MAST4: variants seen among roughly 807,000 people sequenced by gnomAD.
MAST4 encodes the protein microtubule associated serine/threonine kinase family member 4.
A neutral mutation model predicts 162.7 loss-of-function variants in MAST4; 89 were observed. That is an observed-to-expected ratio of 0.55 (90% CI 0.46 to 0.65). The LOEUF is 0.65. MAST4 is among the 30% of genes least tolerant of loss of function. MAST4 has a pLI of 0.00. For missense variants in MAST4, 3,153 were observed against 3,374.0 expected (o/e 0.93, Z 1.62); for synonymous variants, 1,479 against 1,361.1 (o/e 1.09, Z -1.91).
At chr5:67,091,366 A>G (rs1274065591) in intron 6 of MAST4, among the ~76,000 whole-genome samples, 1 of 152,194 alleles carries the variant, frequency 6.6e-6, no homozygotes, top group Admixed American at 6.5e-5. Context: ...GTATCTCACC[A>G]TGGGGACAAT....
intron 6 of MAST4, among the ~76,000 whole-genome samples, chr5:67,092,412 C>T (rs929119096): frequency 6.6e-5 from 10 of 152,048 alleles, no homozygotes; most frequent in African/African-American, 1.7e-4. Context: ...GTGAAATTAT[C>T]GAATTAATTT....
chr5:66,948,824 G>A (rs1744334158), intron 4 of MAST4, among the ~76,000 whole-genome samples: 1 of 151,998 alleles, frequency 6.6e-6, no homozygotes, highest in African/African-American at 2.4e-5. Flanking sequence ...TCTTTGCTTT[G>A]TCAAGTATTT....
At chr5:66,652,508 C>T (rs890191774) in intron 1 of MAST4, among the ~76,000 whole-genome samples, 8 of 152,144 alleles carry the variant, frequency 5.3e-5, no homozygotes, top group African/African-American at 1.7e-4. Context: ...AGTGATATAA[C>T]AAATTTGACA....
At chr5:67,151,767 C>CTTTTTTTTTTTTTTTTTTTT (rs1163541260) in intron 24 of MAST4, among the ~76,000 whole-genome samples, 1 of 115,668 alleles carries the variant, frequency 8.6e-6, no homozygotes, top group Non-Finnish European at 1.8e-5. Flanking sequence ...TTCTTTTTTT[C>CTTTTTTTTTTTTTTTTTTTT]TTTTTTTTTT....
intron 2 of MAST4, among the ~76,000 whole-genome samples, chr5:66,765,148 A>G (rs1486420426): frequency 6.6e-6 from 1 of 152,176 alleles, no homozygotes. Flanking sequence ...ACAGTAGGCT[A>G]CACCATCTAA....
intron 4 of MAST4, among the ~76,000 whole-genome samples, chr5:66,905,574 T>A (rs931492531): frequency 3.3e-5 from 5 of 152,176 alleles, no homozygotes; most frequent in African/African-American, 1.2e-4. Flanking sequence ...TTGAAGGGAT[T>A]TACTCTTAGC....
At chr5:67,139,045 G>C (rs1770045004) in intron 19 of MAST4, among the ~76,000 whole-genome samples, 1 of 152,142 alleles carries the variant, frequency 6.6e-6, no homozygotes, top group Non-Finnish European at 1.5e-5. Context: ...TTTAGGGTTT[G>C]ACAGTTTGAA....
chr5:66,713,316 T>C (rs1405724502), intron 1 of MAST4, among the ~76,000 whole-genome samples: 2 of 152,176 alleles, frequency 1.3e-5, no homozygotes, highest in Non-Finnish European at 2.9e-5. Flanking sequence ...AATCTGCTGA[T>C]GGTGATCTGG....
At chr5:66,812,637 G>C (rs1756534061) in intron 3 of MAST4, among the ~76,000 whole-genome samples, 1 of 152,200 alleles carries the variant, frequency 6.6e-6, no homozygotes, top group Admixed American at 6.5e-5. Context: ...GGTTGAATTA[G>C]GGAGTTGTAG....
intron 1 of MAST4, among the ~76,000 whole-genome samples, chr5:66,734,272 C>T (rs966467572): frequency 1.1e-4 from 17 of 152,126 alleles, no homozygotes; most frequent in South Asian, 6.2e-4. Flanking sequence ...CTTGTGGGCA[C>T]CAAGTCAGAT....
rs1742361988 is a variant in MAST4, at chr5:66,598,754, AT to A, written c.363+1739del. On this transcript the variant is annotated intron_variant, in intron 1 of 28. Transcript: ENST00000403625. ...AGTAGTTAGTTGCTTTATGTTTTCT[AT>A]TTAGCTAGGAGGGTGCTCCATGGTA... 7.2e-5 allele frequency among the ~76,000 whole-genome samples: 11 copies of A among 152,274 alleles called. No individual in the cohort carries two copies. The South Asian group carries it at 2.3e-3, about 32-fold the overall frequency.
chr5:66,964,075 A>T (rs1345960362), intron 4 of MAST4: 2 of 578,838 alleles, frequency 3.5e-6, no homozygotes, highest in Non-Finnish European at 6.7e-6. Flanking sequence ...AGTTTTGATC[A>T]ATATAAAGAT....
intron 4 of MAST4, among the ~76,000 whole-genome samples, chr5:67,018,646 G>A (rs1753611374): frequency 6.6e-6 from 1 of 152,212 alleles, no homozygotes; most frequent in Non-Finnish European, 1.5e-5. Context: ...GGCCTTGACA[G>A]TGGAGGACTT....
chr5:66,804,035 T>A (rs578094502), intron 3 of MAST4, among the ~76,000 whole-genome samples: 1 of 152,270 alleles, frequency 6.6e-6, no homozygotes, highest in Non-Finnish European at 1.5e-5. Flanking sequence ...TCTACATTTA[T>A]TGATGGCCAT....
chr5:66,672,333 T>C (rs889013694), intron 1 of MAST4, among the ~76,000 whole-genome samples: 1 of 152,210 alleles, frequency 6.6e-6, no homozygotes, highest in African/African-American at 2.4e-5. Flanking sequence ...CCTTCCTTTT[T>C]CCCTCCCTTT....
At chr5:67,057,438 A>G (rs1758974531) in intron 5 of MAST4, among the ~76,000 whole-genome samples, 1 of 152,120 alleles carries the variant, frequency 6.6e-6, no homozygotes. Context: ...ATGTATCAGT[A>G]GAGATGGGGA....
rs536952443 is a variant in MAST4 at position 67,163,128 on chromosome 5, T to A, written c.3968-19T>A. The A allele has an allele frequency of 1.9e-6, 3 of 1,587,812 alleles. No homozygotes were observed. Among genetic ancestry groups the A allele is most frequent in the Admixed American group, 1.7e-5 (1 of 58,756 alleles). On this transcript the variant is annotated intron_variant, in intron 28 of 28. Transcript: ENST00000403625. The surrounding 1 kb of genome is among the most constrained non-coding windows in gnomAD (Gnocchi z 7.0). The stretch of plus-strand genomic sequence containing the variant: ...AAAATGACCATGGATGCTCACAGCC[T>A]TCTGTTTTCCATCCACAGGTACTAA...
intron 1 of MAST4, among the ~76,000 whole-genome samples, chr5:66,758,900 C>T (rs1472715860): frequency 6.6e-6 from 1 of 151,824 alleles, no homozygotes; most frequent in African/African-American, 2.4e-5. Flanking sequence ...AAATTTTTGT[C>T]CTTTGCAGCT....
In MAST4 at chr5:67,166,368, G is replaced by C. The variant is rs764268349; in HGVS notation, c.7189G>C (p.Glu2397Gln). 16 of 1,611,346 alleles carry C rather than the reference G, an allele frequency of 9.9e-6. No individual in the cohort carries two copies. The highest frequency in any genetic ancestry group is 1.3e-5 in the Non-Finnish European group (15 of 1,178,718). ...LEAGLSFVHS[E>Q]NRLKGAERPA... ...GGCCGGCCTTTCCTTTGTGCATAGC[G>C]AGAACCGGTTGAAAGGCGCGGAGCG... is the stretch of plus-strand genomic sequence containing the variant. The change falls in exon 29 of 29, where the codon GAG (glutamate) becomes CAG (glutamine). Residue 2397 changes from glutamate to glutamine, a missense_variant. This residue lies in a region of MAST4 where 1,644 missense variants were observed against 1,495.0 expected (regional missense o/e 1.10). Coordinates refer to ENST00000403625, the MANE Select transcript of MAST4 (RefSeq NM_001164664.2).
Sources: allele counts gnomAD v4.1 joint callset (sites outside exome capture counted in the v4.1 genomes callset), GRCh38; gene constraint gnomAD v4.1.1; regional missense constraint gnomAD v4.1.1; non-coding constraint Gnocchi (gnomAD v3.1); transcripts MANE v1.5; gene names NCBI Gene and HGNC (gene_info 2026-07-23, HGNC 2026-07-21).